The following CELSR1 variants were observed in gnomAD, a reference collection of about 807,000 sequenced individuals.
The protein encoded by CELSR1 is cadherin EGF LAG seven-pass G-type receptor 1.
In CELSR1, 110 loss-of-function variants were observed where a neutral mutation model predicts 249.1. That is an observed-to-expected ratio of 0.44 (90% confidence interval 0.38 to 0.52). The LOEUF (loss-of-function observed/expected upper bound fraction) is 0.52, where lower values mean the gene tolerates loss of function less well. CELSR1 is among the 20% of genes least tolerant of loss of function. The pLI is 0.00. For synonymous variants in CELSR1, 2,113 were observed against 1,900.0 expected (o/e 1.11, Z -2.92); for missense variants, 4,109 against 4,296.4 (o/e 0.96, Z 1.22).
chr22:46,506,105 G>C lies in CELSR1; in HGVS notation c.3544+27522C>G, dbSNP rs1425993179. Among the ~76,000 whole-genome samples, 1 of 151,426 alleles carries C rather than the reference G, an allele frequency of 6.6e-6. No homozygotes were observed. Among genetic ancestry groups the C allele is most frequent in the African/African-American group, 2.4e-5 (1 of 41,020 alleles). On this transcript the variant is annotated intron_variant, in intron 1 of 34. Coordinates refer to ENST00000674500, the MANE Select transcript of CELSR1 (RefSeq NM_001378328.1). This position sits in a 1 kb window ranked among gnomAD's most constrained non-coding sequence, Gnocchi z 4.1. ...GAGGCAGGAGAATCACTTGAACCTGGGAGGACGAGGTTGCAGTGAGCTGAG... is the reference window on the plus strand; with the variant it reads ...GAGGCAGGAGAATCACTTGAACCTGCGAGGACGAGGTTGCAGTGAGCTGAG...
chr22:46,431,134 CCT>C lies in CELSR1; in HGVS notation c.4611+2257_4611+2258del, dbSNP rs369360613. On this transcript the variant is annotated intron_variant, in intron 5 of 34. Coordinates refer to ENST00000674500, the MANE Select transcript of CELSR1 (RefSeq NM_001378328.1). The stretch of plus-strand genomic sequence containing the variant: ...GCCATGGATCCCGGTAATCCACCGT[CCT>C]CTGTGTATCTTCTTACATGAGGCCC... 4.4e-3 allele frequency among the ~76,000 whole-genome samples: 674 copies of C among 152,350 alleles called. 2 individuals are homozygous for C. The highest frequency in any genetic ancestry group is 0.015 in the African/African-American group (635 of 41,578).
intron 27 of CELSR1, among the ~76,000 whole-genome samples, chr22:46,368,191 G>C (rs1375100801): frequency 1.3e-5 from 2 of 152,170 alleles, no homozygotes; most frequent in African/African-American, 4.8e-5. Context: ...CCTGTGGAGA[G>C]GCAAGAGGAA....
At chr22:46,521,808 C>G (rs897927342) in intron 1 of CELSR1, among the ~76,000 whole-genome samples, 3 of 152,172 alleles carry the variant, frequency 2.0e-5, no homozygotes, top group African/African-American at 7.2e-5. Context: ...CAGAGTGAGA[C>G]TGTGTCTCAA....
At position 46,392,343 on chromosome 22, in the gene CELSR1, C is replaced by A. The variant is rs549127499; in HGVS notation, c.5965-527G>T. The stretch of plus-strand genomic sequence containing the variant: ...GGCCCAAGTAGCACCCCCTCAACCC[C>A]GCCCCGGAAAACGGGGCAGGCTGTG... On this transcript the variant is annotated intron_variant, in intron 14 of 34. Coordinates refer to ENST00000674500, the MANE Select transcript of CELSR1 (RefSeq NM_001378328.1). Among the ~76,000 whole-genome samples, 22 of 152,294 alleles carry A rather than the reference C, an allele frequency of 1.4e-4. No homozygotes were observed. In the East Asian group the frequency reaches 4.1e-3, roughly 28 times the overall value.
In CELSR1 at chr22:46,441,209, G is replaced by A. The variant is rs2079744262; in HGVS notation, c.4184-1798C>T. On this transcript the variant is annotated intron_variant, in intron 2 of 34. Transcript: ENST00000674500. This position sits in a 1 kb window ranked among gnomAD's most constrained non-coding sequence, Gnocchi z 6.1. ...AGATGGAACTGGGGGGACATCCAAT[G>A]TGAGGATACTCAGTGCATAACCCAG... Among the ~76,000 whole-genome samples, 1 of 151,492 alleles carries A rather than the reference G, an allele frequency of 6.6e-6. No individual in the cohort carries two copies. Among genetic ancestry groups the A allele is most frequent in the Non-Finnish European group, 1.5e-5 (1 of 67,938 alleles).
chr22:46,501,667 A>G lies in CELSR1; in HGVS notation c.3544+31960T>C, dbSNP rs188243005. On this transcript the variant is annotated intron_variant, in intron 1 of 34. Transcript: ENST00000674500. The stretch of plus-strand genomic sequence containing the variant: ...CTGTATGATGTGCTTTTTTTCCTTC[A>G]GTCAATGCAACAAAGATCTGAAATG... 1.3e-3 allele frequency among the ~76,000 whole-genome samples: 205 copies of G among 152,286 alleles called. 4 individuals are homozygous for G. The highest frequency in any genetic ancestry group is 0.013 in the Admixed American group (204 of 15,292).
In CELSR1 at chr22:46,436,745, A is replaced by G. The variant is rs2079666689; in HGVS notation, c.4407-456T>C. 6.6e-6 allele frequency among the ~76,000 whole-genome samples: 1 copy of G among 151,918 alleles called. No homozygotes were observed. The highest frequency in any genetic ancestry group is 2.1e-4 in the South Asian group (1 of 4,826). On this transcript the variant is annotated intron_variant, in intron 3 of 34. Coordinates refer to ENST00000674500, the MANE Select transcript of CELSR1 (RefSeq NM_001378328.1). This position sits in a 1 kb window ranked among gnomAD's most constrained non-coding sequence, Gnocchi z 5.9. ...CTTATGGCCTCTCCCCCCGGCACTCAGCCACAATAGCATCTTTTGGCTCCC... is the reference window on the plus strand; with the variant it reads ...CTTATGGCCTCTCCCCCCGGCACTCGGCCACAATAGCATCTTTTGGCTCCC...
Position 46,428,789 on chromosome 22 carries a change from C to G in CELSR1, c.4611+4604G>C, listed in dbSNP as rs1052185878. 3.5e-4 allele frequency among the ~76,000 whole-genome samples: 54 copies of G among 152,324 alleles called. No homozygotes were observed. The highest frequency in any genetic ancestry group is 1.1e-3 in the African/African-American group (44 of 41,564). On this transcript the variant is annotated intron_variant, in intron 5 of 34. Transcript: ENST00000674500. The surrounding 1 kb of genome is among the most constrained non-coding windows in gnomAD (Gnocchi z 5.7). ...CCTGGCGCTCCACCTCACTGCCTCA[C>G]TGCACAGCTCACTCACGGGTCCCCA...
chr22:46,534,492 C>A lies in CELSR1; in HGVS notation c.2679G>T (p.Leu893=). 1 of 1,613,318 alleles carries A rather than the reference C, an allele frequency of 6.2e-7. No homozygotes were observed. Among genetic ancestry groups the A allele is most frequent in the Non-Finnish European group, 8.5e-7 (1 of 1,180,026 alleles). The change falls in exon 1 of 35, where the codon CTG becomes CTT. Residue 893 remains leucine, a synonymous_variant. Coordinates refer to ENST00000674500, the MANE Select transcript of CELSR1 (RefSeq NM_001378328.1). This position sits in a 1 kb window ranked among gnomAD's most constrained non-coding sequence, Gnocchi z 9.7. ...AGATGGAACCCTGGTAGAAATCCCA[C>A]AGGAACTGGGGTGCATTGTCATTGG... ...LDANDNAPQF[L]WDFYQGSIFE... is the part of the protein sequence containing the mutation.
intron 1 of CELSR1, among the ~76,000 whole-genome samples, chr22:46,532,671 T>C (rs2080803780): frequency 6.6e-6 from 1 of 152,180 alleles, no homozygotes; most frequent in Non-Finnish European, 1.5e-5. Context: ...TTTGGGCTTA[T>C]AAATAAGGTC....
At chr22:46,378,958 G>A (rs746967579) in intron 22 of CELSR1, among the ~76,000 whole-genome samples, 14 of 152,296 alleles carry the variant, frequency 9.2e-5, no homozygotes, top group Non-Finnish European at 1.9e-4. Flanking sequence ...TCACTGCCGC[G>A]GAGGCAGGAC....
rs1342941603 is a variant in CELSR1, at chr22:46,380,093, C to G, written c.7256+695G>C. Among the ~76,000 whole-genome samples, 1 of 152,240 alleles carries G rather than the reference C, an allele frequency of 6.6e-6. No homozygotes were observed. Among genetic ancestry groups the G allele is most frequent in the African/African-American group, 2.4e-5 (1 of 41,468 alleles). On this transcript the variant is annotated intron_variant, in intron 22 of 34. Transcript: ENST00000674500. This position sits in a 1 kb window ranked among gnomAD's most constrained non-coding sequence, Gnocchi z 5.1. ...AAGCACAAACACTACTGGCTCCCAG[C>G]AGACGGGAGCCACACTGTGGTGCTG...
intron 19 of CELSR1, among the ~76,000 whole-genome samples, chr22:46,385,388 C>T (rs866181766): frequency 6.6e-6 from 1 of 152,236 alleles, no homozygotes; most frequent in Non-Finnish European, 1.5e-5. Flanking sequence ...AACTACCACG[C>T]CCAGCTGACT....
intron 2 of CELSR1, among the ~76,000 whole-genome samples, chr22:46,452,096 T>A (rs545026244): frequency 6.6e-6 from 1 of 152,110 alleles, no homozygotes; most frequent in Non-Finnish European, 1.5e-5. Flanking sequence ...GCTGCAGAAC[T>A]GAGGGAAGGC....
chr22:46,491,806 T>C (rs997586488), intron 1 of CELSR1, among the ~76,000 whole-genome samples: 2 of 151,842 alleles, frequency 1.3e-5, no homozygotes, highest in Admixed American at 1.3e-4. Context: ...CCGGCTAATG[T>C]TTGTATTTTT....
At position 46,402,958 on chromosome 22, in the gene CELSR1, A is replaced by T. The variant is rs1163684435; in HGVS notation, c.5227-3056T>A. Among the ~76,000 whole-genome samples, 1 of 152,208 alleles carries T rather than the reference A, an allele frequency of 6.6e-6. No individual in the cohort carries two copies. Among genetic ancestry groups the T allele is most frequent in the Admixed American group, 6.5e-5 (1 of 15,286 alleles). Reference sequence around the variant, plus strand: ...GTTGAAAGTAAAAGGATAGAAAAAAATACATCATATAAATACCAACCAAAA... The same window carrying T: ...GTTGAAAGTAAAAGGATAGAAAAAATTACATCATATAAATACCAACCAAAA... On this transcript the variant is annotated intron_variant, in intron 9 of 34. Coordinates refer to ENST00000674500, the MANE Select transcript of CELSR1 (RefSeq NM_001378328.1). This position sits in a 1 kb window ranked among gnomAD's most constrained non-coding sequence, Gnocchi z 5.0.
rs868741110 is a variant in CELSR1, at chr22:46,500,269, C to T, written c.3544+33358G>A. On this transcript the variant is annotated intron_variant, in intron 1 of 34. Transcript: ENST00000674500. The surrounding 1 kb of genome is among the most constrained non-coding windows in gnomAD (Gnocchi z 4.9). ...AGGACTCAAGGAAGGGACATAACTGCGACAAAACCCTGGCGCCCGGTTTTC... is the reference window on the plus strand; with the variant it reads ...AGGACTCAAGGAAGGGACATAACTGTGACAAAACCCTGGCGCCCGGTTTTC... Among the ~76,000 whole-genome samples the T allele has an allele frequency of 2.0e-5, 3 of 152,086 alleles. No individual in the cohort carries two copies. Among genetic ancestry groups the T allele is most frequent in the Admixed American group, 6.5e-5 (1 of 15,268 alleles).
At chr22:46,389,537 C>T in intron 17 of CELSR1, 38 bp from the exon 18 acceptor site, 1 of 1,600,344 alleles carries the variant, frequency 6.2e-7, no homozygotes, top group African/African-American at 1.3e-5. Flanking sequence ...TGCAAACCCA[C>T]TTCGGCCGCT....
rs757787755 is a variant in CELSR1 at position 46,528,958 on chromosome 22, TA to T, written c.3544+4668del. 4.2e-4 allele frequency among the ~76,000 whole-genome samples: 51 copies of T among 121,674 alleles called. 1 individual carries two copies. Among genetic ancestry groups the T allele is most frequent in the Admixed American group, 3.2e-3 (39 of 12,298 alleles). The allele number at this position is 121,674 out of a possible 152,430, so 79.8% of individuals were successfully genotyped here. A position where few individuals can be genotyped will look rare whatever the true frequency, so the allele number is the denominator to read the frequency against. ...TAAAATAAAATAAAATAAAATAAAA[TA>T]AAAATAAAAAAGAATGAGATCCTGG... On this transcript the variant is annotated intron_variant, in intron 1 of 34. Transcript: ENST00000674500.
Sources: gnomAD v4.1 joint callset for allele counts (sites outside exome capture counted in the v4.1 genomes callset) on GRCh38, gnomAD v4.1.1 for gene constraint, Gnocchi (gnomAD v3.1) non-coding constraint, MANE v1.5 for transcripts, NCBI Gene and HGNC (gene_info 2026-07-23, HGNC 2026-07-21) for gene names.